PCDH15: variants seen among roughly 807,000 people sequenced by gnomAD.
PCDH15 encodes the protein protocadherin related 15.
Under a neutral mutation model 178.5 loss-of-function variants are expected in PCDH15, and 129 were observed. The observed-to-expected ratio is 0.72, with a 90% CI of 0.63 to 0.84. The LOEUF is 0.84. Among genes scored for constraint, PCDH15 ranks in the 40% least tolerant of loss-of-function variants. The pLI is 0.00. For missense variants in PCDH15, 2,230 were observed against 2,099.9 expected (o/e 1.06, Z -1.21); for synonymous variants, 800 against 732.0 (o/e 1.09, Z -1.50).
upstream of PCDH15, chr10:54,801,376 C>A (rs963219716): frequency 6.6e-6 from 1 of 152,216 alleles, no homozygotes; most frequent in Admixed American, 6.5e-5. Flanking sequence ...CTAAACCACG[C>A]ACTGACTGGT....
chr10:54,667,911 T>C (rs1030448627), intron 1 of PCDH15, among the ~76,000 whole-genome samples: 4 of 152,098 alleles, frequency 2.6e-5, no homozygotes, highest in African/African-American at 4.8e-5. Flanking sequence ...GTCAAAATAC[T>C]GGGGAAAAGT....
At chr10:54,512,359 T>TGTGTGTGTG (rs2081767841) in intron 3 of PCDH15, among the ~76,000 whole-genome samples, 4 of 134,088 alleles carry the variant, frequency 3.0e-5, no homozygotes, top group Admixed American at 2.4e-4. Flanking sequence ...ATTTCTGGCA[T>TGTGTGTGTG]TGTGTGTGTG....
intron 3 of PCDH15, among the ~76,000 whole-genome samples, chr10:54,815,604 T>C (rs1027470255): frequency 6.6e-6 from 1 of 152,136 alleles, no homozygotes; most frequent in Non-Finnish European, 1.5e-5. Flanking sequence ...GGTTCTCATG[T>C]ATTTTTGTCA....
chr10:54,860,110 A>C (rs1048859042), intron 3 of PCDH15, among the ~76,000 whole-genome samples: 1 of 151,992 alleles, frequency 6.6e-6, no homozygotes, highest in Admixed American at 6.6e-5. Flanking sequence ...TGTGTTTAAA[A>C]TTATTCTTTT....
chr10:54,142,019 GA>G (rs572847507), intron 14 of PCDH15, among the ~76,000 whole-genome samples: 2 of 148,998 alleles, frequency 1.3e-5, no homozygotes, highest in Admixed American at 6.7e-5. Flanking sequence ...TTCAATAATG[GA>G]AAAAAAAACA....
At chr10:53,930,049 G>T (rs1398875495) in intron 25 of PCDH15, among the ~76,000 whole-genome samples, 1 of 152,016 alleles carries the variant, frequency 6.6e-6, no homozygotes, top group Admixed American at 6.6e-5. Context: ...AGCTTCTTTG[G>T]GACCAAGTAA....
chr10:54,934,105 G>T (rs1305060062), intron 2 of PCDH15, among the ~76,000 whole-genome samples: 1 of 152,058 alleles, frequency 6.6e-6, no homozygotes, highest in Non-Finnish European at 1.5e-5. Flanking sequence ...TTTAGGTAAG[G>T]AATTGTGACG....
chr10:54,326,336 CT>C (rs1938085650), intron 7 of PCDH15, among the ~76,000 whole-genome samples: 1 of 152,066 alleles, frequency 6.6e-6, no homozygotes, highest in African/African-American at 2.4e-5. Flanking sequence ...GCATTATCTA[CT>C]AAGATTAAAA....
At chr10:54,122,595 A>G (rs1353647090) in intron 15 of PCDH15, among the ~76,000 whole-genome samples, 2 of 152,150 alleles carry the variant, frequency 1.3e-5, no homozygotes, top group Non-Finnish European at 2.9e-5. Context: ...AAAAAAAGAA[A>G]AAAAAATCAG....
At chr10:54,326,144 G>A (rs1423974397) in intron 7 of PCDH15, among the ~76,000 whole-genome samples, 1 of 152,100 alleles carries the variant, frequency 6.6e-6, no homozygotes, top group African/African-American at 2.4e-5. Flanking sequence ...GCAAATGTGA[G>A]ATCACTGAAC....
At chr10:54,224,001 C>T (rs982478898) in intron 9 of PCDH15, among the ~76,000 whole-genome samples, 4 of 152,138 alleles carry the variant, frequency 2.6e-5, no homozygotes, top group Admixed American at 6.6e-5. Context: ...AAATGCACAT[C>T]TAATATACTT....
Position 53,827,429 on chromosome 10 carries a change from C to G in PCDH15, c.4331G>C (p.Gly1444Ala). 1 of 1,613,034 alleles carries G rather than the reference C, an allele frequency of 6.2e-7. No homozygotes were observed. The highest frequency in any genetic ancestry group is 8.5e-7 in the Non-Finnish European group (1 of 1,179,380). The change falls in exon 32 of 38, where the codon GGT (glycine) becomes GCT (alanine). Residue 1444 changes from glycine to alanine, a missense_variant. Physicochemically the swap from Gly to Ala is moderately conservative, Grantham distance 60 (BLOSUM62 0). Coordinates refer to ENST00000644397, the MANE Select transcript of PCDH15 (RefSeq NM_001384140.1). ...TCCAAGTTCTTCATAGAGATGCGCA[C>G]CTGGCGGAGGCGGCGGCGGCGGCGG... Reference protein sequence around the residue: ...APPPPPPPPPGAHLYEELGDS... With the variant: ...APPPPPPPPPAAHLYEELGDS...
chr10:53,838,087 T>C (rs2077415618), intron 29 of PCDH15, among the ~76,000 whole-genome samples: 1 of 151,846 alleles, frequency 6.6e-6, no homozygotes, highest in South Asian at 2.1e-4. Context: ...GCCATTCTCC[T>C]GCCTCAGCCT....
At chr10:54,460,995 AG>A (rs2077130708) in intron 3 of PCDH15, among the ~76,000 whole-genome samples, 1 of 152,018 alleles carries the variant, frequency 6.6e-6, no homozygotes, top group Non-Finnish European at 1.5e-5. Flanking sequence ...AAGTGCCTAA[AG>A]GATTCTTTTT....
chr10:53,814,934 A>C (rs974084239), intron 35 of PCDH15, among the ~76,000 whole-genome samples: 1 of 150,570 alleles, frequency 6.6e-6, no homozygotes, highest in African/African-American at 2.5e-5. Context: ...ACTGCACTCC[A>C]GCCTGGCGAT....
chr10:54,373,871 A>G (rs985196137), intron 4 of PCDH15, among the ~76,000 whole-genome samples: 1 of 152,068 alleles, frequency 6.6e-6, no homozygotes, highest in Admixed American at 6.6e-5. Context: ...ACTGGATAAC[A>G]GTGATTTCAA....
At chr10:54,643,910 T>G (rs1297238138) in intron 2 of PCDH15, among the ~76,000 whole-genome samples, 1 of 150,060 alleles carries the variant, frequency 6.7e-6, no homozygotes, top group Non-Finnish European at 1.5e-5. Flanking sequence ...GCTGGTGTGC[T>G]GCACCCATTA....
intron 2 of PCDH15, among the ~76,000 whole-genome samples, chr10:55,538,403 TTCC>T (rs1297510367): frequency 2.6e-4 from 38 of 145,034 alleles, no homozygotes; most frequent in African/African-American, 1.0e-3. Flanking sequence ...CCTTTCTTCC[TTCC>T]TTCCTTCCTC....
chr10:54,254,175 T>C (rs1176046875), intron 8 of PCDH15, among the ~76,000 whole-genome samples: 1 of 152,112 alleles, frequency 6.6e-6, no homozygotes, highest in Non-Finnish European at 1.5e-5. Context: ...AATAACATCC[T>C]CTTATTACCA....
Sources: gnomAD v4.1 joint callset for allele counts (sites outside exome capture counted in the v4.1 genomes callset) on GRCh38, gnomAD v4.1.1 for gene constraint, MANE v1.5 for transcripts, NCBI Gene and HGNC (gene_info 2026-07-23, HGNC 2026-07-21) for gene names.